The following PTPRT variants were observed in gnomAD, a reference collection of about 807,000 sequenced individuals.
PTPRT encodes the protein protein tyrosine phosphatase receptor type T.
A neutral mutation model predicts 176.8 loss-of-function variants in PTPRT; 56 were observed. The ratio of observed to expected loss-of-function variants is 0.32; its 90% CI spans 0.26 to 0.40. The LOEUF (loss-of-function observed/expected upper bound fraction) is 0.40, where lower values mean the gene tolerates loss of function less well. PTPRT is among the 10% of genes least tolerant of loss of function. The pLI, the probability that PTPRT is intolerant of heterozygous loss-of-function variation, is 1.00. For missense variants in PTPRT, 1,540 were observed against 1,908.2 expected, an observed-to-expected ratio of 0.81 and a Z score of 3.60; for synonymous variants, 783 against 739.0, an observed-to-expected ratio of 1.06 and a Z score of -0.96.
intron 13 of PTPRT, among the ~76,000 whole-genome samples, chr20:42,281,302 A>T (rs2147051864): frequency 6.6e-6 from 1 of 152,268 alleles, no homozygotes; most frequent in Non-Finnish European, 1.5e-5. Context: ...GAGAGGGAAC[A>T]AGTTAGGGAC....
intron 1 of PTPRT, among the ~76,000 whole-genome samples, chr20:43,076,529 A>C (rs747929532): frequency 2.6e-5 from 4 of 152,160 alleles, no homozygotes; most frequent in Admixed American, 6.5e-5. Context: ...TGTGGTCCTT[A>C]ATTGGAGGAG....
chr20:42,455,008 T>C (rs2070895329), intron 8 of PTPRT, among the ~76,000 whole-genome samples: 1 of 152,218 alleles, frequency 6.6e-6, no homozygotes, highest in African/African-American at 2.4e-5. Context: ...GTTTCCTTAC[T>C]ACTTGGTTGG....
At chr20:42,491,135 A>G (rs933546389) in intron 7 of PTPRT, among the ~76,000 whole-genome samples, 8 of 152,144 alleles carry the variant, frequency 5.3e-5, no homozygotes, top group African/African-American at 1.9e-4. Flanking sequence ...ATTTTTGTAA[A>G]ACAGTGTTGA....
chr20:42,109,183 T>G (rs1986797678), intron 23 of PTPRT, among the ~76,000 whole-genome samples: 1 of 152,204 alleles, frequency 6.6e-6, no homozygotes, highest in African/African-American at 2.4e-5. Flanking sequence ...AGGACGGGGC[T>G]GGCTCTGAGA....
At chr20:42,040,560 C>G in the PTPRT span, among the ~76,000 whole-genome samples, 2 of 152,216 alleles carry the variant, frequency 1.3e-5, no homozygotes, top group Admixed American at 6.5e-5. Flanking sequence ...GGAATTCCAT[C>G]AGGAATAGCT....
At chr20:42,936,564 A>G (rs1980206447) in intron 1 of PTPRT, among the ~76,000 whole-genome samples, 1 of 152,204 alleles carries the variant, frequency 6.6e-6, no homozygotes, top group Admixed American at 6.5e-5. Flanking sequence ...TAGCTTAACA[A>G]GTCTCCTCTT....
intron 7 of PTPRT, among the ~76,000 whole-genome samples, chr20:42,625,296 A>G (rs1199497928): frequency 6.6e-6 from 1 of 152,170 alleles, no homozygotes; most frequent in Non-Finnish European, 1.5e-5. Flanking sequence ...ATTTAAAAAG[A>G]CTTAATTTGC....
chr20:42,449,939 GAT>G (rs1274565868), intron 8 of PTPRT, among the ~76,000 whole-genome samples: 1 of 152,066 alleles, frequency 6.6e-6, no homozygotes, highest in Admixed American at 6.6e-5. Flanking sequence ...ATTAAAAAAA[GAT>G]ATGCCTATGC....
intron 15 of PTPRT, among the ~76,000 whole-genome samples, chr20:42,222,953 G>A (rs968051438): frequency 6.6e-6 from 1 of 152,100 alleles, no homozygotes; most frequent in Non-Finnish European, 1.5e-5. Flanking sequence ...CCTAACCTGT[G>A]GGATCTGACA....
intron 7 of PTPRT, among the ~76,000 whole-genome samples, chr20:42,515,800 C>CA (rs372475198): frequency 4.9e-4 from 74 of 151,762 alleles, no homozygotes; most frequent in African/African-American, 1.8e-3. Context: ...AAGACACATG[C>CA]ACACGTATGT....
intron 1 of PTPRT, among the ~76,000 whole-genome samples, chr20:43,117,937 T>C (rs2013119260): frequency 6.6e-6 from 1 of 152,178 alleles, no homozygotes; most frequent in African/African-American, 2.4e-5. Flanking sequence ...CGACATTCAG[T>C]AGAGTCAACT....
At chr20:42,810,394 C>A (rs1384031460) in intron 2 of PTPRT, among the ~76,000 whole-genome samples, 2 of 152,124 alleles carry the variant, frequency 1.3e-5, no homozygotes, top group East Asian at 3.9e-4. Context: ...CAAGTCAAAG[C>A]CCCGGCCCAC....
chr20:42,747,265 G>A (rs568888948), intron 6 of PTPRT, among the ~76,000 whole-genome samples: 73 of 152,282 alleles, frequency 4.8e-4, no homozygotes, highest in African/African-American at 1.6e-3. Context: ...GAGGGGTCTC[G>A]TCACATGCTT....
chr20:42,489,354 CTG>C (rs1223320622), intron 7 of PTPRT, among the ~76,000 whole-genome samples: 3 of 152,052 alleles, frequency 2.0e-5, no homozygotes, highest in Non-Finnish European at 2.9e-5. Flanking sequence ...ACTTTCAGGA[CTG>C]TTTTAAAGCC....
intron 1 of PTPRT, among the ~76,000 whole-genome samples, chr20:43,027,811 A>G (rs1243968781): frequency 6.6e-6 from 1 of 152,190 alleles, no homozygotes; most frequent in African/African-American, 2.4e-5. Context: ...TATTACCTAC[A>G]CAGCACCGAC....
chr20:42,587,954 A>G (rs2073500527), intron 7 of PTPRT, among the ~76,000 whole-genome samples: 1 of 152,150 alleles, frequency 6.6e-6, no homozygotes, highest in Non-Finnish European at 1.5e-5. Context: ...GGCACAAAAT[A>G]CCTGCTGTCA....
In PTPRT at chr20:42,665,115, A is replaced by C. The variant is rs939764498; in HGVS notation, c.1153+12751T>G. 6.0e-4 allele frequency among the ~76,000 whole-genome samples: 92 copies of C among 152,076 alleles called. 1 individual carries two copies. Among genetic ancestry groups the C allele is most frequent in the African/African-American group, 2.1e-3 (88 of 41,522 alleles). On this transcript the variant is annotated intron_variant, in intron 7 of 30. Transcript: ENST00000373187. ...TTGACAAATGGGATCTAATTAAACTAAAGAGCTTCTGCACAGCAAAAGAAA... is the reference window on the plus strand; with the variant it reads ...TTGACAAATGGGATCTAATTAAACTCAAGAGCTTCTGCACAGCAAAAGAAA...
intron 7 of PTPRT, among the ~76,000 whole-genome samples, chr20:42,637,981 A>C (rs2145920261): frequency 6.6e-6 from 1 of 152,272 alleles, no homozygotes; most frequent in East Asian, 1.9e-4. Flanking sequence ...GGTGAATTGT[A>C]TCTACTCACA....
intron 17 of PTPRT, among the ~76,000 whole-genome samples, chr20:42,151,902 T>C (rs533128434): frequency 3.9e-4 from 60 of 152,274 alleles, no homozygotes; most frequent in Non-Finnish European, 7.4e-5. Context: ...TCCCTCTAGG[T>C]ATAGGTAAAA....
Sources: allele counts gnomAD v4.1 joint callset (sites outside exome capture counted in the v4.1 genomes callset), GRCh38; gene constraint gnomAD v4.1.1; transcripts MANE v1.5; gene names NCBI Gene and HGNC (gene_info 2026-07-23, HGNC 2026-07-21).